The following DIAPH3 variants were observed in gnomAD, a reference collection of about 807,000 sequenced individuals.
The protein encoded by DIAPH3 is diaphanous related formin 3.
A neutral mutation model predicts 144.3 loss-of-function variants in DIAPH3; 117 were observed. That is an observed-to-expected ratio of 0.81 (90% confidence interval 0.70 to 0.95). The LOEUF is 0.95. Among genes scored for constraint, DIAPH3 ranks in the 40% least tolerant of loss-of-function variants. The pLI, the probability that DIAPH3 is intolerant of heterozygous loss-of-function variation, is 0.00. For missense variants in DIAPH3, 1,421 were observed against 1,412.7 expected (o/e 1.01, Z -0.09); for synonymous variants, 519 against 488.9 (o/e 1.06, Z -0.81).
At chr13:59,926,655 G>A (rs1285912674) in intron 17 of DIAPH3, among the ~76,000 whole-genome samples, 2 of 152,124 alleles carry the variant, frequency 1.3e-5, no homozygotes, top group Non-Finnish European at 2.9e-5. Context: ...AGTTCCTGTT[G>A]TTGATTTCTA....
rs1425131525 is a variant in DIAPH3 at position 60,087,031 on chromosome 13, C to T, written c.495+6597G>A. Among the ~76,000 whole-genome samples the T allele has an allele frequency of 6.6e-5, 10 of 152,292 alleles. No individual in the cohort carries two copies. The East Asian group carries it at 1.7e-3, about 26-fold the overall frequency. ...TATAACATTCACATCCTCCCATATA[C>T]TTTAAATCATCTCTAGATGACTTAT... On this transcript the variant is annotated intron_variant, in intron 4 of 27. Coordinates refer to ENST00000400324, the MANE Select transcript of DIAPH3 (RefSeq NM_001042517.2).
At chr13:59,817,610 G>A (rs552197258) in intron 24 of DIAPH3, among the ~76,000 whole-genome samples, 27 of 151,852 alleles carry the variant, frequency 1.8e-4, no homozygotes, top group Admixed American at 1.1e-3. Flanking sequence ...TTTTTTATAC[G>A]ATATTACAGT....
At chr13:59,777,934 G>A (rs1857108189) in intron 25 of DIAPH3, among the ~76,000 whole-genome samples, 1 of 152,114 alleles carries the variant, frequency 6.6e-6, no homozygotes, top group South Asian at 2.1e-4. Context: ...ACGTTATTGG[G>A]ATAACTGGAG....
At chr13:59,744,526 T>TC (rs954022006) in intron 27 of DIAPH3, among the ~76,000 whole-genome samples, 4 of 151,960 alleles carry the variant, frequency 2.6e-5, no homozygotes, top group African/African-American at 9.7e-5. Flanking sequence ...TGTGTAATTT[T>TC]TTTTTTAGCT....
At chr13:60,162,342 T>G (rs1169252365) in intron 1 of DIAPH3, among the ~76,000 whole-genome samples, 1 of 152,076 alleles carries the variant, frequency 6.6e-6, no homozygotes, top group Non-Finnish European at 1.5e-5. Flanking sequence ...TAAAACAAAA[T>G]AAAATAAGAT....
At chr13:60,091,145 C>T (rs1408115293) in intron 4 of DIAPH3, among the ~76,000 whole-genome samples, 1 of 152,140 alleles carries the variant, frequency 6.6e-6, no homozygotes, top group Non-Finnish European at 1.5e-5. Context: ...TTTACAATTC[C>T]CTAACAGGGT....
chr13:59,765,905 C>T (rs1253601260), intron 27 of DIAPH3, among the ~76,000 whole-genome samples: 2 of 152,044 alleles, frequency 1.3e-5, no homozygotes, highest in African/African-American at 4.8e-5. Flanking sequence ...ACACATAATG[C>T]AGTTGGCACA....
At chr13:60,008,419 G>A in intron 9 of DIAPH3, 125 bp downstream of exon 9, 1 of 659,868 alleles carries the variant, frequency 1.5e-6, no homozygotes, top group Admixed American at 2.9e-5. Flanking sequence ...AATAAATAAT[G>A]CTATAAAAGA....
chr13:60,066,367 G>C (rs1439725820), intron 4 of DIAPH3, among the ~76,000 whole-genome samples: 3 of 152,074 alleles, frequency 2.0e-5, no homozygotes, highest in Non-Finnish European at 2.9e-5. Context: ...GAATTAATTT[G>C]TATAGTCACC....
rs546966889 is a variant in DIAPH3 at position 59,823,228 on chromosome 13, A to G, written c.3027+9879T>C. Among the ~76,000 whole-genome samples, 14 of 152,308 alleles carry G rather than the reference A, an allele frequency of 9.2e-5. No individual in the cohort carries two copies. The South Asian group carries it at 2.9e-3, about 32-fold the overall frequency. On this transcript the variant is annotated intron_variant, in intron 24 of 27. Transcript: ENST00000400324. ...CTTACCAAGAAAGAAAAGTAAGCCA[A>G]TTAGTAAAGGTCTGTTTTTACTGTG...
At chr13:60,036,728 A>G (rs1209769333) in intron 5 of DIAPH3, among the ~76,000 whole-genome samples, 1 of 152,178 alleles carries the variant, frequency 6.6e-6, no homozygotes, top group East Asian at 1.9e-4. Context: ...AATTTTTAAT[A>G]AGTTTTTATA....
intron 24 of DIAPH3, among the ~76,000 whole-genome samples, chr13:59,816,715 T>C (rs1025349622): frequency 3.3e-5 from 5 of 151,856 alleles, no homozygotes; most frequent in African/African-American, 4.8e-5. Flanking sequence ...AAAGTTATTT[T>C]ATTGATACAT....
chr13:60,010,928 A>C (rs989141931), intron 7 of DIAPH3, among the ~76,000 whole-genome samples: 1 of 151,916 alleles, frequency 6.6e-6, no homozygotes, highest in Admixed American at 6.6e-5. Flanking sequence ...CAACATGGAG[A>C]AACCCCCTCT....
At chr13:59,882,548 G>C (rs1040385051) in intron 20 of DIAPH3, among the ~76,000 whole-genome samples, 2 of 152,166 alleles carry the variant, frequency 1.3e-5, no homozygotes, top group Non-Finnish European at 2.9e-5. Flanking sequence ...TTTGCATTCT[G>C]TTTTCCTGCT....
rs1360735279 is a variant in DIAPH3 at position 59,918,183 on chromosome 13, C to T, written c.2171-1934G>A. Among the ~76,000 whole-genome samples the T allele has an allele frequency of 4.8e-5, 7 of 145,478 alleles. No homozygotes were observed. The Admixed American group carries it at 4.9e-4, about 10-fold the overall frequency. ...ATGTTTTACATCACCCGTATCAATC[C>T]ATCCACCAACGTCAGGCAGCACAGG... On this transcript the variant is annotated intron_variant, in intron 18 of 27. Coordinates refer to ENST00000400324, the MANE Select transcript of DIAPH3 (RefSeq NM_001042517.2).
chr13:59,695,393 T>C, intron 27 of DIAPH3: 1 of 152,218 alleles, frequency 6.6e-6, no homozygotes, highest in Non-Finnish European at 1.5e-5. Context: ...CTCTCTCTCC[T>C]GGAACTTTTG....
chr13:59,726,663 T>C (rs953594744), intron 27 of DIAPH3, among the ~76,000 whole-genome samples: 1 of 152,182 alleles, frequency 6.6e-6, no homozygotes, highest in Non-Finnish European at 1.5e-5. Context: ...GGGGCTCAGA[T>C]GGCTGATGTA....
At chr13:59,926,717 A>G (rs1353965527) in intron 17 of DIAPH3, among the ~76,000 whole-genome samples, 1 of 152,138 alleles carries the variant, frequency 6.6e-6, no homozygotes, top group African/African-American at 2.4e-5. Context: ...TTGATTTTTT[A>G]CAAGTTGTTG....
chr13:59,781,625 A>G (rs903252995), intron 25 of DIAPH3, among the ~76,000 whole-genome samples: 3 of 152,190 alleles, frequency 2.0e-5, no homozygotes, highest in African/African-American at 7.2e-5. Flanking sequence ...GTGTCGGACC[A>G]TTTGCAAAAT....
Sources: allele counts gnomAD v4.1 joint callset (sites outside exome capture counted in the v4.1 genomes callset), GRCh38; gene constraint gnomAD v4.1.1; transcripts MANE v1.5; gene names NCBI Gene and HGNC (gene_info 2026-07-23, HGNC 2026-07-21).